The following BCL7C variants were observed in gnomAD, a reference collection of about 807,000 sequenced individuals.
BCL7C encodes the protein BAF chromatin remodeling complex subunit BCL7C.
Under a neutral mutation model 26.2 loss-of-function variants are expected in BCL7C, and 8 were observed. That is an observed-to-expected ratio of 0.30 (90% confidence interval 0.18 to 0.55). The LOEUF is 0.55. Ranked by LOEUF, BCL7C falls within the 20% of genes least tolerant of loss-of-function variation. The pLI is 0.93. For missense variants in BCL7C, 262 were observed against 298.5 expected, an observed-to-expected ratio of 0.88 and a Z score of 0.90; for synonymous variants, 90 against 116.5, an observed-to-expected ratio of 0.77 and a Z score of 1.47.
Position 30,892,734 on chromosome 16 carries a change from G to A in BCL7C, c.294C>T (p.Asn98=). The change falls in exon 4 of 6, where the codon AAC becomes AAT. Residue 98 remains asparagine, a synonymous_variant. Coordinates refer to ENST00000215115, the MANE Select transcript of BCL7C (RefSeq NM_004765.4). ...GGGAACCTTCCGAATGGAAACTCTG[G>A]TTGCTGTTCTCATCTGCGGGAGCAA... ...ILLDLNDENS[N]QSFHSEGSLQ... 1 of 1,614,164 alleles carries A rather than the reference G, an allele frequency of 6.2e-7. No homozygotes were observed. Among genetic ancestry groups the A allele is most frequent in the Non-Finnish European group, 8.5e-7 (1 of 1,180,022 alleles).
intron 5 of BCL7C, among the ~76,000 whole-genome samples, chr16:30,856,762 C>G (rs1217715419): frequency 6.6e-6 from 1 of 152,152 alleles, no homozygotes; most frequent in Non-Finnish European, 1.5e-5. Flanking sequence ...TCTAACCTTC[C>G]CTTGCTGCCG....
At chr16:30,846,108 TC>T in intron 5 of BCL7C, among the ~76,000 whole-genome samples, 2 of 118,018 alleles carry the variant, frequency 1.7e-5, no homozygotes, top group South Asian at 3.2e-4. Flanking sequence ...AGACTCCATC[TC>T]AAAAAAAAAA....
chr16:30,869,999 G>A (rs2054868891), intron 5 of BCL7C, among the ~76,000 whole-genome samples: 1 of 152,224 alleles, frequency 6.6e-6, no homozygotes, highest in South Asian at 2.1e-4. Context: ...TAGAATCCAT[G>A]TGTATGAATA....
intron 4 of BCL7C, among the ~76,000 whole-genome samples, chr16:30,891,354 C>T (rs1287496820): frequency 6.6e-6 from 1 of 151,614 alleles, no homozygotes; most frequent in Non-Finnish European, 1.5e-5. Context: ...CCCAGCTACC[C>T]AGGAGGCTGA....
intron 5 of BCL7C, among the ~76,000 whole-genome samples, chr16:30,873,745 G>A (rs963948847): frequency 4.0e-5 from 6 of 150,904 alleles, no homozygotes; most frequent in African/African-American, 1.5e-4. Flanking sequence ...CAGCTACTCG[G>A]GAGGCTGAGG....
rs370794543 is a variant in BCL7C, at chr16:30,861,538, C to G, written c.529-26390G>C. Among the ~76,000 whole-genome samples, 32 of 152,340 alleles carry G rather than the reference C, an allele frequency of 2.1e-4. 1 individual carries two copies. Among genetic ancestry groups the G allele is most frequent in the African/African-American group, 7.5e-4 (31 of 41,580 alleles). On this transcript the variant is annotated intron_variant, in intron 5 of 5. Transcript: ENST00000380317. ...TCCTACTGGAAATTAGACTGTCCAA[C>G]TCGCCCAGCAGCCACTGCCAGAGAC...
At chr16:30,836,253 CAA>C (rs2054568600) in intron 5 of BCL7C, among the ~76,000 whole-genome samples, 1 of 152,006 alleles carries the variant, frequency 6.6e-6, no homozygotes, top group South Asian at 2.1e-4. Flanking sequence ...GAATCCGTCT[CAA>C]AAACAAAACA....
At chr16:30,851,759 TGGTGCAAGG>T in intron 5 of BCL7C, 1 of 482,120 alleles carries the variant, frequency 2.1e-6, no homozygotes, top group Non-Finnish European at 3.8e-6. Context: ...GACCTTTTTT[TGGTGCAAGG>T]TTGGCTTTGG....
At chr16:30,861,836 G>A (rs558509026) in intron 5 of BCL7C, among the ~76,000 whole-genome samples, 10 of 148,936 alleles carry the variant, frequency 6.7e-5, no homozygotes, top group Admixed American at 2.7e-4. Context: ...CCCCAATTCT[G>A]GTGCCAACTT....
At chr16:30,852,747 C>T (rs1340692490) in intron 5 of BCL7C, among the ~76,000 whole-genome samples, 2 of 151,882 alleles carry the variant, frequency 1.3e-5, no homozygotes, top group East Asian at 1.9e-4. Context: ...CCGCCTTGGC[C>T]TCCCAAAGTG....
intron 4 of BCL7C, 152 bp from the exon 5 acceptor site, chr16:30,889,097 G>T: frequency 1.5e-6 from 1 of 687,146 alleles, no homozygotes. Flanking sequence ...CTGTGCCCCA[G>T]GAAGCAGAGG....
At position 30,887,911 on chromosome 16, in the gene BCL7C, C is replaced by T; in HGVS notation, c.608G>A (p.Gly203Asp). The T allele has an allele frequency of 6.2e-7, 1 of 1,602,774 alleles. No homozygotes were observed. The highest frequency in any genetic ancestry group is 8.5e-7 in the Non-Finnish European group (1 of 1,175,262). ...AAQGDTEDSE[G>D]APPLKRICPN... The stretch of plus-strand genomic sequence containing the variant: ...GCAGATGCGCTTGAGTGGGGGGGCA[C>T]CCTCCGAGTCCTCTGTGTCACCCTG... The change falls in exon 6 of 6, where the codon GGT becomes GAT. Residue 203 changes from glycine (G) to aspartate (D), a missense_variant. Gly to Asp is a moderately conservative substitution (Grantham distance 94). Transcript: ENST00000215115.
chr16:30,867,231 C>T (rs777740474), intron 5 of BCL7C, among the ~76,000 whole-genome samples: 15 of 152,136 alleles, frequency 9.9e-5, no homozygotes, highest in Non-Finnish European at 2.2e-4. Flanking sequence ...CATTGAGATT[C>T]TGACCATGTT....
chr16:30,838,763 T>C (rs1368444504), intron 5 of BCL7C, among the ~76,000 whole-genome samples: 1 of 152,176 alleles, frequency 6.6e-6, no homozygotes, highest in African/African-American at 2.4e-5. Context: ...CCAGCCTGGG[T>C]GACAGAGCGA....
At chr16:30,871,415 CCTCA>C (rs368376129) in intron 5 of BCL7C, among the ~76,000 whole-genome samples, 1 of 152,252 alleles carries the variant, frequency 6.6e-6, no homozygotes, top group Non-Finnish European at 1.5e-5. Flanking sequence ...AGAGTACTTA[CCTCA>C]CTAAGTTATT....
intron 5 of BCL7C, among the ~76,000 whole-genome samples, chr16:30,857,536 T>C (rs115837618): frequency 0.013 from 1,969 of 152,260 alleles, 36 homozygotes; most frequent in African/African-American, 0.043. Context: ...AGGCTATTGG[T>C]TCTCACAGGT....
chr16:30,884,210 C>T (rs894514602), downstream of BCL7C, among the ~76,000 whole-genome samples: 6 of 151,362 alleles, frequency 4.0e-5, no homozygotes, highest in Admixed American at 2.6e-4. Flanking sequence ...TCCTAGGCCC[C>T]GTGACCAGGA....
chr16:30,854,440 A>G (rs971677646), intron 5 of BCL7C, among the ~76,000 whole-genome samples: 6 of 152,124 alleles, frequency 3.9e-5, no homozygotes, highest in Non-Finnish European at 8.8e-5. Context: ...ACTGTGCCAG[A>G]TCACAGAGGG....
chr16:30,888,757 T>G, intron 5 of BCL7C, 103 bp downstream of exon 5: 2 of 1,055,046 alleles, frequency 1.9e-6, no homozygotes. Context: ...GTCCCAGGTC[T>G]GCCTCTCCTC....
Sources: allele counts gnomAD v4.1 joint callset (sites outside exome capture counted in the v4.1 genomes callset), GRCh38; gene constraint gnomAD v4.1.1; transcripts MANE v1.5; gene names NCBI Gene and HGNC (gene_info 2026-07-23, HGNC 2026-07-21).